CPXM2: variants seen among roughly 807,000 people sequenced by gnomAD.
The protein encoded by CPXM2 is inactive carboxypeptidase-like protein X2.
CPXM2 carries 66 observed loss-of-function variants against 86.1 expected under a neutral mutation model. The observed-to-expected ratio is 0.77, with a 90% CI of 0.63 to 0.94. CPXM2 has a LOEUF of 0.94. Among genes scored for constraint, CPXM2 ranks in the 40% least tolerant of loss-of-function variants. The pLI, the probability that CPXM2 is intolerant of heterozygous loss-of-function variation, is 0.00. For synonymous variants in CPXM2, 388 were observed against 400.2 expected, an observed-to-expected ratio of 0.97 and a Z score of 0.36; for missense variants, 948 against 1,026.3, an observed-to-expected ratio of 0.92 and a Z score of 1.04.
At chr10:123,749,978 GTTTTTTTTTTT>G (rs56363371) in intron 13 of CPXM2, 2 of 121,864 alleles carry the variant, frequency 1.6e-5, no homozygotes, top group East Asian at 5.4e-4. Context: ...GCTAATTTTT[GTTTTTTTTTTT>G]TTTTTTTTTT....
intron 1 of CPXM2, among the ~76,000 whole-genome samples, chr10:123,886,241 TA>T (rs1432356164): frequency 6.6e-5 from 10 of 151,960 alleles, no homozygotes; most frequent in Non-Finnish European, 1.5e-4. Context: ...GATTGCTTTT[TA>T]AAGTACTTAT....
intron 4 of CPXM2, among the ~76,000 whole-genome samples, chr10:123,810,327 AATT>A (rs1425221603): frequency 1.3e-5 from 2 of 152,046 alleles, no homozygotes; most frequent in Non-Finnish European, 2.9e-5. Context: ...TTCCTCTCTC[AATT>A]ATTATTTTAA....
chr10:123,896,383 CATT>C (rs1365152404), upstream of CPXM2, among the ~76,000 whole-genome samples: 2 of 152,200 alleles, frequency 1.3e-5, no homozygotes, highest in Admixed American at 6.5e-5. Flanking sequence ...TGGCAACTAT[CATT>C]ATAATTACAA....
intron 10 of CPXM2, among the ~76,000 whole-genome samples, chr10:123,762,893 C>T (rs7909042): frequency 0.091 from 13,886 of 152,206 alleles, 942 homozygotes; most frequent in African/African-American, 0.19. Flanking sequence ...CCATGCAGTA[C>T]AGAAAACTGA....
intron 4 of CPXM2, among the ~76,000 whole-genome samples, chr10:123,802,967 C>T (rs1428347325): frequency 6.6e-6 from 1 of 151,920 alleles, no homozygotes; most frequent in Non-Finnish European, 1.5e-5. Context: ...GAAGTGCCTA[C>T]TCAAGTTTTC....
At chr10:123,813,054 A>G (rs990976897) in intron 4 of CPXM2, among the ~76,000 whole-genome samples, 5 of 152,244 alleles carry the variant, frequency 3.3e-5, no homozygotes, top group African/African-American at 9.6e-5. Context: ...ATGTTGTACA[A>G]TAGGCCTACA....
intron 4 of CPXM2, among the ~76,000 whole-genome samples, chr10:123,824,348 A>T (rs1194539993): frequency 2.0e-5 from 3 of 152,216 alleles, no homozygotes; most frequent in Admixed American, 2.0e-4. Flanking sequence ...AAAAATATTG[A>T]CTTCTGTGAA....
chr10:123,889,130 A>C (rs1945225122), intron 1 of CPXM2, among the ~76,000 whole-genome samples: 1 of 152,236 alleles, frequency 6.6e-6, no homozygotes, highest in African/African-American at 2.4e-5. Flanking sequence ...CAAGGACTAA[A>C]GAGAGTCACT....
At chr10:123,919,780 G>C (rs1945566293) in intron 2 of CPXM2, among the ~76,000 whole-genome samples, 1 of 152,200 alleles carries the variant, frequency 6.6e-6, no homozygotes. Flanking sequence ...CAATTCTATA[G>C]ACTGTACAAG....
Position 123,798,123 on chromosome 10 carries a change from A to G in CPXM2, c.742T>C (p.Phe248Leu), listed in dbSNP as rs1458667738. 6.2e-7 allele frequency: 1 copy of G among 1,601,562 alleles called. No individual in the cohort carries two copies. Among genetic ancestry groups the G allele is most frequent in the African/African-American group, 1.3e-5 (1 of 74,434 alleles). Residue 248 changes from phenylalanine to leucine, a missense_variant, in exon 6 of 14, where the codon TTT becomes CTT. Phe to Leu is a conservative substitution (Grantham distance 22). Transcript: ENST00000241305. Reference protein sequence around the residue: ...TVKNGSGDMIFEGNSEKEIPV... With the variant: ...TVKNGSGDMILEGNSEKEIPV... ...ATCTCCTTCTCACTGTTTCCCTCAA[A>G]TATCTATTTATGCTCATGGGAGAAA...
intron 6 of CPXM2, among the ~76,000 whole-genome samples, chr10:123,781,779 G>T (rs751349103): frequency 4.6e-5 from 7 of 152,156 alleles, no homozygotes; most frequent in Non-Finnish European, 8.8e-5. Context: ...ATCCCAGCTG[G>T]CTCTGCAGAC....
At chr10:123,895,944 TAGAC>T (rs1365918515), upstream of CPXM2, among the ~76,000 whole-genome samples, 1 of 152,364 alleles carries the variant, frequency 6.6e-6, no homozygotes, top group East Asian at 1.9e-4. Flanking sequence ...ATTCATCCCT[TAGAC>T]AGGATTCTGC....
chr10:123,940,995 G>C (rs578073708), upstream of CPXM2, among the ~76,000 whole-genome samples: 14 of 150,976 alleles, frequency 9.3e-5, no homozygotes, highest in Admixed American at 4.7e-4. Context: ...CACAGTGAAA[G>C]CCCGTCTCTA....
In CPXM2 at chr10:123,757,197, C is replaced by T. The variant is rs1564751522; in HGVS notation, c.1917+16G>A. On this transcript the variant is annotated intron_variant, in intron 12 of 13. Coordinates refer to ENST00000241305, the MANE Select transcript of CPXM2 (RefSeq NM_198148.3). ...CAGCTAGTCCCCCTCATCCCAGCCA[C>T]ACACCCGCAATATACCTGCTCCATG... 6.2e-7 allele frequency: 1 copy of T among 1,611,650 alleles called. No individual in the cohort carries two copies. Among genetic ancestry groups the T allele is most frequent in the African/African-American group, 1.3e-5 (1 of 74,992 alleles).
chr10:123,875,303 G>A (rs1944963602), intron 2 of CPXM2, among the ~76,000 whole-genome samples: 1 of 152,170 alleles, frequency 6.6e-6, no homozygotes, highest in Non-Finnish European at 1.5e-5. Context: ...GGCACCTTTG[G>A]TTTCCCAGTG....
In CPXM2 at chr10:123,771,009, T is replaced by G; in HGVS notation, c.1009A>C (p.Asn337His). 1 of 1,613,482 alleles carries G rather than the reference T, an allele frequency of 6.2e-7. No individual in the cohort carries two copies. The highest frequency in any genetic ancestry group is 8.5e-7 in the Non-Finnish European group (1 of 1,179,420). Residue 337 changes from asparagine to histidine, a missense_variant, in exon 8 of 14, where the codon AAT becomes CAT. Asn to His is a moderately conservative substitution (Grantham distance 68). Coordinates refer to ENST00000241305, the MANE Select transcript of CPXM2 (RefSeq NM_198148.3). Reference protein sequence around the residue: ...LMKVVNEMCPNITRIYNIGKS... With the variant: ...LMKVVNEMCPHITRIYNIGKS... ...CCAATGTTGTAAATTCTGGTGATAT[T>G]GGGACACATTTCATTCACAACTTTC...
intron 4 of CPXM2, among the ~76,000 whole-genome samples, chr10:123,801,086 G>T (rs1847447296): frequency 6.6e-6 from 1 of 152,152 alleles, no homozygotes; most frequent in Non-Finnish European, 1.5e-5. Context: ...CTTCCTCCCT[G>T]ATACGGTTTG....
intron 4 of CPXM2, among the ~76,000 whole-genome samples, chr10:123,834,473 A>G (rs1848237416): frequency 6.6e-6 from 1 of 152,242 alleles, no homozygotes; most frequent in Admixed American, 6.5e-5. Context: ...GGGTTTTAAA[A>G]GGTGGGCAAA....
rs896651481 is a variant in CPXM2 at position 123,844,386 on chromosome 10, C to CA, written c.514-1899dup. 2.5e-4 allele frequency among the ~76,000 whole-genome samples: 37 copies of CA among 149,000 alleles called. No homozygotes were observed. The East Asian group carries it at 2.5e-3, about 10-fold the overall frequency. Reference sequence around the variant, plus strand: ...ACGTAGAATGAATCTACTACAATACCAAAAAAAAACTGAGAATTAATGTAA... The same window carrying CA: ...ACGTAGAATGAATCTACTACAATACCAAAAAAAAAACTGAGAATTAATGTAA... On this transcript the variant is annotated intron_variant, in intron 3 of 13. Coordinates refer to ENST00000241305, the MANE Select transcript of CPXM2 (RefSeq NM_198148.3).
Sources: gnomAD v4.1 joint callset for allele counts (sites outside exome capture counted in the v4.1 genomes callset) on GRCh38, gnomAD v4.1.1 for gene constraint, MANE v1.5 for transcripts, NCBI Gene and HGNC (gene_info 2026-07-23, HGNC 2026-07-21) for gene names.